Variants in RGPD3 observed in about 807,000 individuals in gnomAD.
The protein encoded by RGPD3 is RANBP2 like and GRIP domain containing 3, also known as ranBP2-like and GRIP domain-containing protein 3.
Under a neutral mutation model 154.5 loss-of-function variants are expected in RGPD3, and 62 were observed. The ratio of observed to expected loss-of-function variants is 0.40; its 90% confidence interval spans 0.33 to 0.50. RGPD3 has a LOEUF of 0.50. Among genes scored for constraint, RGPD3 ranks in the 20% least tolerant of loss-of-function variants. RGPD3 has a pLI of 0.59. For missense variants in RGPD3, 919 were observed against 1,716.8 expected (o/e 0.54, Z 8.21); for synonymous variants, 308 against 607.0 (o/e 0.51, Z 7.24).
At position 106,403,589 on chromosome 2, in the gene RGPD3, A is replaced by T. The variant is rs537630421; in HGVS notation, c.*1630T>A. ...TTTATACAGACTTCAAAAGGTCTCAAGTCAAAGAGAAAGTGAAATATATTT... is the reference window on the plus strand; with the variant it reads ...TTTATACAGACTTCAAAAGGTCTCATGTCAAAGAGAAAGTGAAATATATTT... On this transcript the variant is annotated 3_prime_UTR_variant, in exon 23 of 23. Transcript: ENST00000409886. Among the ~76,000 whole-genome samples the T allele has an allele frequency of 3.0e-3, 450 of 152,304 alleles. No homozygotes were observed. Among genetic ancestry groups the T allele is most frequent in the African/African-American group, 0.01 (428 of 41,514 alleles).
At position 106,436,709 on chromosome 2, in the gene RGPD3, T is replaced by G; in HGVS notation, c.1422A>C (p.Thr474=). 1 of 1,571,188 alleles carries G rather than the reference T, an allele frequency of 6.4e-7. No individual in the cohort carries two copies. The highest frequency in any genetic ancestry group is 8.6e-7 in the Non-Finnish European group (1 of 1,161,284). ...AAATACATATTGATTCAGGTGCATT[T>G]GTTTCAAGCCTTGAGGTTTCCTGGG... The part of the protein sequence containing the change: ...HLPQETSRLE[T]NAPESICILD... The change falls in exon 10 of 23, where the codon ACA becomes ACC. Residue 474 remains threonine (T), a synonymous_variant. Transcript: ENST00000409886.
At chr2:106,441,799 G>C (rs1677750801) in intron 7 of RGPD3, among the ~76,000 whole-genome samples, 1 of 146,692 alleles carries the variant, frequency 6.8e-6, no homozygotes, top group Admixed American at 6.9e-5. Flanking sequence ...GGGAGGCAGA[G>C]GTTGTAGTGC....
intron 1 of RGPD3, among the ~76,000 whole-genome samples, chr2:106,460,411 C>T (rs993329457): frequency 6.6e-6 from 1 of 150,528 alleles, no homozygotes; most frequent in Admixed American, 6.6e-5. Flanking sequence ...CTCAATAGTA[C>T]ATGTACTGTT....
At chr2:106,407,725 G>A (rs1308199023) in intron 22 of RGPD3, among the ~76,000 whole-genome samples, 3 of 152,218 alleles carry the variant, frequency 2.0e-5, no homozygotes, top group African/African-American at 7.2e-5. Flanking sequence ...ATAAGAATTG[G>A]AGAAAAGCTG....
intron 22 of RGPD3, among the ~76,000 whole-genome samples, chr2:106,406,993 T>C (rs2104438832): frequency 6.6e-6 from 1 of 151,872 alleles, no homozygotes. Context: ...CACATATTTA[T>C]TTCACAGTTT....
At chr2:106,409,663 T>C (rs910870204) in intron 22 of RGPD3, among the ~76,000 whole-genome samples, 4 of 151,752 alleles carry the variant, frequency 2.6e-5, no homozygotes, top group African/African-American at 9.7e-5. Context: ...TGAGATTTTA[T>C]TGGGTTTTTG....
chr2:106,452,977 TA>T (rs1678172932), intron 4 of RGPD3, 51 bp from the exon 5 acceptor site: 1 of 202,060 alleles, frequency 4.9e-6, no homozygotes, highest in African/African-American at 1.3e-4. Flanking sequence ...TGTGCAATTT[TA>T]AACAAGTCAT....
At chr2:106,466,288 CG>C (rs749234948) in intron 1 of RGPD3, among the ~76,000 whole-genome samples, 3,636 of 151,972 alleles carry the variant, frequency 0.024, 51 homozygotes, top group Admixed American at 0.035. Context: ...CTGCGCCAGC[CG>C]GCGGGCGCCG....
chr2:106,424,973 A>T lies in RGPD3; in HGVS notation c.2994T>A (p.Gly998=). The change falls in exon 20 of 23, where the codon GGT becomes GGA. Residue 998 remains glycine (G), a synonymous_variant. Coordinates refer to ENST00000409886, the MANE Select transcript of RGPD3 (RefSeq NM_001144013.2). ...KKDLNFKGFS[G]AGEKLFSSQY... Reference sequence around the variant, plus strand: ...GTGATGAGAATAATTTTTCTCCAGCACCTGAAAATCCCTTGAAATTGAGGT... The same window carrying T: ...GTGATGAGAATAATTTTTCTCCAGCTCCTGAAAATCCCTTGAAATTGAGGT... The T allele has an allele frequency of 6.2e-7, 1 of 1,611,854 alleles. No individual in the cohort carries two copies. The highest frequency in any genetic ancestry group is 8.5e-7 in the Non-Finnish European group (1 of 1,179,822).
intron 7 of RGPD3, among the ~76,000 whole-genome samples, chr2:106,446,426 C>T (rs77357863): frequency 6.7e-6 from 1 of 150,372 alleles, no homozygotes; most frequent in Non-Finnish European, 1.5e-5. Context: ...AAAAATTAGC[C>T]AGGTGTGGTG....
chr2:106,450,890 A>C (rs1333116870), intron 6 of RGPD3, among the ~76,000 whole-genome samples: 1 of 118,834 alleles, frequency 8.4e-6, no homozygotes, highest in Non-Finnish European at 1.7e-5. Context: ...TCAAAAAAAA[A>C]AGAGAGATTG....
At position 106,417,698 on chromosome 2, in the gene RGPD3, A is replaced by G. The variant is rs368116889; in HGVS notation, c.4925-1709T>C. Reference sequence around the variant, plus strand: ...ATTAGATTTTTTTTAAAGGTTAAGTATGAGATTGTTCAAAATCTATTGATT... The same window carrying G: ...ATTAGATTTTTTTTAAAGGTTAAGTGTGAGATTGTTCAAAATCTATTGATT... On this transcript the variant is annotated intron_variant, in intron 20 of 22. Coordinates refer to ENST00000409886, the MANE Select transcript of RGPD3 (RefSeq NM_001144013.2). Among the ~76,000 whole-genome samples, 577 of 150,866 alleles carry G rather than the reference A, an allele frequency of 3.8e-3. 23 individuals are homozygous for G. The highest frequency in any genetic ancestry group is 0.013 in the African/African-American group (530 of 40,448).
intron 1 of RGPD3, among the ~76,000 whole-genome samples, chr2:106,465,957 C>T (rs912891415): frequency 6.6e-6 from 1 of 151,916 alleles, no homozygotes; most frequent in Admixed American, 6.6e-5. Context: ...AAAGCTCACC[C>T]GGAGCTGCGT....
At position 106,446,845 on chromosome 2, in the gene RGPD3, G is replaced by T. The variant is rs1250883737; in HGVS notation, c.978+573C>A. Among the ~76,000 whole-genome samples the T allele has an allele frequency of 3.3e-5, 5 of 151,830 alleles. No homozygotes were observed. In the East Asian group the frequency reaches 9.7e-4, roughly 29 times the overall value. The stretch of plus-strand genomic sequence containing the variant: ...TGCAGTGAGCCGAGATCACGCCACT[G>T]CACTCCAGCCTGGCGACAGAGAGAG... On this transcript the variant is annotated intron_variant, in intron 7 of 22. Transcript: ENST00000409886.
chr2:106,403,517 G>C lies in RGPD3; in HGVS notation c.*1702C>G, dbSNP rs1400419729. Among the ~76,000 whole-genome samples the C allele has an allele frequency of 2.6e-5, 4 of 152,144 alleles. No individual in the cohort carries two copies. Among genetic ancestry groups the C allele is most frequent in the African/African-American group, 4.8e-5 (2 of 41,452 alleles). On this transcript the variant is annotated 3_prime_UTR_variant, in exon 23 of 23. Transcript: ENST00000409886. ...AATCAATTTTTTATCATGCAAAAAA[G>C]TATTTTGTTATGACATTTGTAAGTG...
In RGPD3 at chr2:106,415,929, G is replaced by C; in HGVS notation, c.4985C>G (p.Thr1662Ser). The C allele has an allele frequency of 6.2e-7, 1 of 1,611,820 alleles. No individual in the cohort carries two copies. The highest frequency in any genetic ancestry group is 8.5e-7 in the Non-Finnish European group (1 of 1,179,820). ...GTTTAAGTGATCTGCACTTTTTGTG[G>C]TGGAACTGAGCTTCTGAACCAATTC... ...KEELVQKLSS[T>S]TKSADHLNGL... is the part of the protein sequence containing the mutation. The change falls in exon 21 of 23, where the codon ACC becomes AGC. Residue 1662 changes from threonine to serine, a missense_variant. Thr to Ser is a moderately conservative substitution (Grantham distance 58). Transcript: ENST00000409886.
chr2:106,437,617 T>G (rs1480890665), intron 9 of RGPD3, among the ~76,000 whole-genome samples: 1 of 152,256 alleles, frequency 6.6e-6, no homozygotes, highest in Non-Finnish European at 1.5e-5. Context: ...AAGATGTTCA[T>G]GTCCTTTGTC....
At chr2:106,464,224 T>C (rs1266221602) in intron 1 of RGPD3, among the ~76,000 whole-genome samples, 1 of 150,530 alleles carries the variant, frequency 6.6e-6, no homozygotes, top group African/African-American at 2.4e-5. Flanking sequence ...CGGGTGCCCG[T>C]AGTCCCAGCT....
intron 3 of RGPD3, among the ~76,000 whole-genome samples, 174 bp from the exon 4 acceptor site, chr2:106,457,297 G>A (rs189338823): frequency 1.3e-5 from 2 of 152,222 alleles, no homozygotes; most frequent in Non-Finnish European, 1.5e-5. Flanking sequence ...AAGTGTCTTG[G>A]AATTTTCTGG....
Sources: allele counts gnomAD v4.1 joint callset (sites outside exome capture counted in the v4.1 genomes callset), GRCh38; gene constraint gnomAD v4.1.1; transcripts MANE v1.5; gene names NCBI Gene and HGNC (gene_info 2026-07-23, HGNC 2026-07-21).